ASIC2: variants seen among roughly 807,000 people sequenced by gnomAD.
ASIC2 encodes acid-sensing ion channel 2.
Under a neutral mutation model 57.3 loss-of-function variants are expected in ASIC2, and 25 were observed. That is an observed-to-expected ratio of 0.44 (90% confidence interval 0.32 to 0.61). The LOEUF is 0.61. ASIC2 is among the 20% of genes least tolerant of loss of function. The probability of loss-of-function intolerance (pLI) is 0.06; values close to 1 mark genes in which losing one functional copy is unlikely to be tolerated. For missense variants in ASIC2, 641 were observed against 738.1 expected (o/e 0.87, Z 1.52); for synonymous variants, 319 against 307.5 (o/e 1.04, Z -0.39).
chr17:33,717,801 C>T (rs1416220244), intron 1 of ASIC2, among the ~76,000 whole-genome samples: 2 of 152,054 alleles, frequency 1.3e-5, no homozygotes, highest in Non-Finnish European at 2.9e-5. Flanking sequence ...TCTCCTACCT[C>T]GAAGGGATGG....
At chr17:33,834,617 A>C (rs1913216982) in intron 1 of ASIC2, 1 of 152,246 alleles carries the variant, frequency 6.6e-6, no homozygotes, top group Non-Finnish European at 1.5e-5. Context: ...AGAAGGGAAA[A>C]AGGGAGTGTA....
intron 1 of ASIC2, among the ~76,000 whole-genome samples, chr17:33,601,756 T>C (rs2142010342): frequency 6.6e-6 from 1 of 152,296 alleles, no homozygotes; most frequent in African/African-American, 2.4e-5. Flanking sequence ...AATGAGTGGA[T>C]TGAGCCTAGC....
At chr17:33,392,483 A>G (rs1909937991) in intron 1 of ASIC2, among the ~76,000 whole-genome samples, 1 of 151,988 alleles carries the variant, frequency 6.6e-6, no homozygotes, top group African/African-American at 2.4e-5. Context: ...CTGACTGGTC[A>G]CAAACTCCTG....
chr17:33,390,307 G>A (rs761576407), intron 1 of ASIC2, among the ~76,000 whole-genome samples: 6 of 151,700 alleles, frequency 4.0e-5, no homozygotes, highest in East Asian at 1.9e-4. Context: ...AGCGAGATTC[G>A]GTCCCCCTTC....
chr17:33,446,153 C>G lies in ASIC2; in HGVS notation c.556-334086G>C, dbSNP rs376442620. On this transcript the variant is annotated intron_variant, in intron 1 of 9. Coordinates refer to the ASIC2 transcript ENST00000359872. The stretch of plus-strand genomic sequence containing the variant: ...TAAGAAACTGAACTTACCCCAGCCC[C>G]GTGGAAGTAGGCATGTTGACCAGTA... Among the ~76,000 whole-genome samples the G allele has an allele frequency of 3.3e-5, 5 of 152,012 alleles. No individual in the cohort carries two copies. In the East Asian group the frequency reaches 5.8e-4, roughly 18 times the overall value.
intron 8 of ASIC2, among the ~76,000 whole-genome samples, chr17:33,017,099 C>T (rs918022331): frequency 3.3e-5 from 5 of 152,222 alleles, no homozygotes; most frequent in Non-Finnish European, 5.9e-5. Context: ...CTGCTGTCTT[C>T]TCGCTGAGGA....
intron 1 of ASIC2, among the ~76,000 whole-genome samples, chr17:33,444,232 C>T (rs1911931665): frequency 6.6e-6 from 1 of 152,196 alleles, no homozygotes; most frequent in Non-Finnish European, 1.5e-5. Context: ...AAAGTTCTCT[C>T]GGTCTTTTAA....
chr17:33,675,641 G>A (rs564998411), intron 1 of ASIC2, among the ~76,000 whole-genome samples: 3 of 152,254 alleles, frequency 2.0e-5, no homozygotes, highest in Admixed American at 2.0e-4. Context: ...GTGCAATCAA[G>A]GCTCACTGCA....
chr17:33,894,620 T>C (rs1437997211), intron 1 of ASIC2, among the ~76,000 whole-genome samples: 1 of 152,140 alleles, frequency 6.6e-6, no homozygotes, highest in Non-Finnish European at 1.5e-5. Flanking sequence ...TTGAGCAATC[T>C]TTGATGGGCC....
At chr17:33,072,506 G>T (rs1028805134) in intron 3 of ASIC2, among the ~76,000 whole-genome samples, 1 of 152,148 alleles carries the variant, frequency 6.6e-6, no homozygotes, top group African/African-American at 2.4e-5. Context: ...ACTTGTATCA[G>T]GTGGCCCATC....
intron 1 of ASIC2, among the ~76,000 whole-genome samples, chr17:33,408,905 T>A (rs1249509708): frequency 6.6e-6 from 1 of 152,010 alleles, no homozygotes; most frequent in East Asian, 1.9e-4. Context: ...GGGAAGAGGG[T>A]GTGTACAGAC....
At chr17:33,035,114 A>G (rs1377061864) in intron 3 of ASIC2, among the ~76,000 whole-genome samples, 2 of 152,138 alleles carry the variant, frequency 1.3e-5, no homozygotes, top group African/African-American at 2.4e-5. Flanking sequence ...TATTGATTCC[A>G]TGCAACAATT....
intron 1 of ASIC2, among the ~76,000 whole-genome samples, chr17:34,086,902 C>T (rs1324844448): frequency 6.6e-6 from 1 of 152,164 alleles, no homozygotes; most frequent in African/African-American, 2.4e-5. Flanking sequence ...GTAGATCTTC[C>T]TCCATCCTTT....
At chr17:33,157,488 C>T (rs751992175) in intron 1 of ASIC2, among the ~76,000 whole-genome samples, 43 of 152,280 alleles carry the variant, frequency 2.8e-4, no homozygotes, top group Middle Eastern at 3.4e-3. Context: ...GTACATGTGG[C>T]CTTCCTTACA....
At position 33,292,627 on chromosome 17, in the gene ASIC2, A is replaced by G; in HGVS notation, c.-512T>C. On this transcript the variant is annotated 5_prime_UTR_variant, in exon 1 of 10. Transcript: ENST00000225823. The stretch of plus-strand genomic sequence containing the variant: ...CAGGGACCCCACCAGCCCGGCCCGT[A>G]GCCCAGCGGTGCTGGGACACGGGAG... The G allele has an allele frequency of 1.0e-6, 1 of 985,522 alleles. No homozygotes were observed. The highest frequency in any genetic ancestry group is 1.2e-6 in the Non-Finnish European group (1 of 830,048). The allele number at this position is 985,522 out of a possible 1,614,324, so 61.0% of individuals were successfully genotyped here.
intron 1 of ASIC2, among the ~76,000 whole-genome samples, chr17:33,750,561 T>C (rs573217029): frequency 2.0e-5 from 3 of 152,306 alleles, no homozygotes; most frequent in African/African-American, 7.2e-5. Flanking sequence ...CTACATTTAA[T>C]AACAGGACTT....
At chr17:33,839,687 C>A (rs750843563) in intron 1 of ASIC2, among the ~76,000 whole-genome samples, 1 of 152,178 alleles carries the variant, frequency 6.6e-6, no homozygotes, top group Non-Finnish European at 1.5e-5. Flanking sequence ...TTAGGTTCTG[C>A]AAATAGGTGA....
chr17:33,918,094 A>G (rs1318081557), intron 1 of ASIC2, among the ~76,000 whole-genome samples: 1 of 152,172 alleles, frequency 6.6e-6, no homozygotes, highest in Non-Finnish European at 1.5e-5. Context: ...ATCCTTTTCC[A>G]TGATTTCCTA....
At chr17:33,708,898 A>G (rs923329787) in intron 1 of ASIC2, among the ~76,000 whole-genome samples, 2 of 152,156 alleles carry the variant, frequency 1.3e-5, no homozygotes, top group African/African-American at 4.8e-5. Context: ...CTTATTGCCA[A>G]TCACACCTTA....
Sources: allele counts gnomAD v4.1 joint callset (sites outside exome capture counted in the v4.1 genomes callset), GRCh38; gene constraint gnomAD v4.1.1; transcripts MANE v1.5; gene names NCBI Gene and HGNC (gene_info 2026-07-23, HGNC 2026-07-21).